Variants in FAM83C observed in about 807,000 individuals in gnomAD.
FAM83C encodes protein FAM83C.
FAM83C carries 23 observed loss-of-function variants against 27.1 expected under a neutral mutation model. That is an observed-to-expected ratio of 0.85 (90% CI 0.61 to 1.20). The LOEUF (loss-of-function observed/expected upper bound fraction) is 1.20. FAM83C is among the 50% of genes most tolerant of loss of function. FAM83C has a pLI of 0.00. For missense variants in FAM83C, 984 were observed against 1,001.3 expected, an observed-to-expected ratio of 0.98 and a Z score of 0.23; for synonymous variants, 426 against 423.1, an observed-to-expected ratio of 1.01 and a Z score of -0.09.
rs779930777 is a variant in FAM83C at position 35,287,419 on chromosome 20, G to A, written c.1360C>T (p.Gln454Ter). 1.9e-6 allele frequency: 3 copies of A among 1,614,044 alleles called. No individual in the cohort carries two copies. Among genetic ancestry groups the A allele is most frequent in the Non-Finnish European group, 2.5e-6 (3 of 1,180,020 alleles). ...PLLPRSRPLL[Q>*]FHRGAPALSR... is the part of the protein sequence containing the mutation. The stretch of plus-strand genomic sequence containing the variant: ...AGAGCTGGGGCACCCCGATGGAACT[G>A]GAGGAGGGGCCGGGAGCGAGGAAGC... Residue 454 changes from glutamine (Q) to a stop codon, truncating the protein, a stop_gained, in exon 4 of 4, where the codon CAG (glutamine) becomes TAG (stop). Transcript: ENST00000374408. LOFTEE classifies it low-confidence loss of function (END_TRUNC).
In FAM83C at chr20:35,286,910, T is replaced by G. The variant is rs747466018; in HGVS notation, c.1869A>C (p.Pro623=). Residue 623 remains proline, a synonymous_variant, in exon 4 of 4, where the codon CCA becomes CCC. Transcript: ENST00000374408. ...GCCCCAGGGTCTGCCGCCGCTCATC[T>G]GGTGCCCGTCTGGCAGGTCTGGCTG... ...NSSARPARRA[P]DERRQTLGHS... 2.5e-6 allele frequency: 4 copies of G among 1,614,180 alleles called. No homozygotes were observed. Among genetic ancestry groups the G allele is most frequent in the South Asian group, 1.1e-5 (1 of 91,088 alleles).
At position 35,287,302 on chromosome 20, in the gene FAM83C, C is replaced by T. The variant is rs1338188046; in HGVS notation, c.1477G>A (p.Glu493Lys). ...GGAGATGCCTTCTTCTCCTTCTCCT[C>T]CACTGTCTCCAGGGTTGTGCCAGGT... The part of the protein sequence containing the change: ...WVPGTTLETV[E>K]EKEKKASPSQ... The change falls in exon 4 of 4, where the codon GAG becomes AAG. Residue 493 changes from glutamate (E) to lysine (K), a missense_variant. Transcript: ENST00000374408. 2.5e-6 allele frequency: 4 copies of T among 1,613,470 alleles called. No individual in the cohort carries two copies. The highest frequency in any genetic ancestry group is 3.4e-6 in the Non-Finnish European group (4 of 1,180,036).
In FAM83C at chr20:35,292,336, G is replaced by A. The variant is rs754602801; in HGVS notation, c.-32C>T. Reference sequence around the variant, plus strand: ...CACGCGGCTGCCTCACCCGCCGGCAGGGCCCATGGCCCGCACGCTGGGCTG... The same window carrying A: ...CACGCGGCTGCCTCACCCGCCGGCAAGGCCCATGGCCCGCACGCTGGGCTG... On this transcript the variant is annotated 5_prime_UTR_variant, in exon 1 of 4. Transcript: ENST00000374408. 3.4e-6 allele frequency: 5 copies of A among 1,459,344 alleles called. No homozygotes were observed. In the South Asian group the frequency reaches 7.0e-5, roughly 21 times the overall value. The allele number at this position is 1,459,344 out of a possible 1,614,324, so 90.4% of individuals were successfully genotyped here. A position where few individuals can be genotyped will look rare whatever the true frequency, so the allele number is the denominator to read the frequency against.
At position 35,292,092 on chromosome 20, in the gene FAM83C, G is replaced by C; in HGVS notation, c.213C>G (p.Pro71=). The C allele has an allele frequency of 1.9e-6, 3 of 1,608,162 alleles. No individual in the cohort carries two copies. The African/African-American group carries it at 4.0e-5, about 21-fold the overall frequency. ...AGTCCACATCCAGGGCGCTCAGGAA[G>C]GGCAGCTCCCGCTCCTCGGAGATGA... ...LRVISEEREL[P]FLSALDVDYM... Residue 71 remains proline (P), a synonymous_variant, in exon 1 of 4, where the codon CCC becomes CCG. Transcript: ENST00000374408.
In FAM83C at chr20:35,286,300, C is replaced by T. The variant is rs1000150706; in HGVS notation, c.*235G>A. 35 of 521,748 alleles carry T rather than the reference C, an allele frequency of 6.7e-5. No homozygotes were observed. The Admixed American group carries it at 6.8e-4, about 10-fold the overall frequency. 32.3% of individuals were successfully genotyped at this position (521,748 alleles called of 1,614,324 possible). A position where few individuals can be genotyped will look rare whatever the true frequency, so the allele number is the denominator to read the frequency against. On this transcript the variant is annotated 3_prime_UTR_variant, in exon 4 of 4. Transcript: ENST00000374408. ...GAGTGTGACCCACCTGTCAGCTCTA[C>T]AGGCCCAGCACAGGGCTGGAAACAC...
At chr20:35,291,292 G>C (rs1372104929) in intron 1 of FAM83C, among the ~76,000 whole-genome samples, 1 of 152,210 alleles carries the variant, frequency 6.6e-6, no homozygotes, top group Admixed American at 6.5e-5. Context: ...AAGTCAGAGA[G>C]CCCCTGTCTC....
intron 1 of FAM83C, among the ~76,000 whole-genome samples, 193 bp downstream of exon 1, chr20:35,291,599 T>C (rs527239970): frequency 2.2e-4 from 34 of 152,306 alleles, no homozygotes; most frequent in Middle Eastern, 3.4e-3. Context: ...ATCCATACTA[T>C]TCCTGGGTAC....
In FAM83C at chr20:35,288,387, G is replaced by A. The variant is rs939617359; in HGVS notation, c.806+74C>T. On this transcript the variant is annotated intron_variant, in intron 3 of 3. Transcript: ENST00000374408. ...TCAGCCCGTGTCCGAAGGAAAGGAT[G>A]AGTGGAGGGAAGCTCAGAGCTGCCA... is the stretch of plus-strand genomic sequence containing the variant. 3 of 1,590,590 alleles carry A rather than the reference G, an allele frequency of 1.9e-6. No individual in the cohort carries two copies. The Admixed American group carries it at 5.1e-5, about 27-fold the overall frequency.
chr20:35,289,971 C>T (rs1001004096), intron 1 of FAM83C, among the ~76,000 whole-genome samples: 11 of 152,158 alleles, frequency 7.2e-5, no homozygotes, highest in African/African-American at 2.4e-4. Context: ...TCCTGGCACT[C>T]CCCCGACTAA....
At position 35,287,237 on chromosome 20, in the gene FAM83C, G is replaced by T; in HGVS notation, c.1542C>A (p.Phe514Leu). 4 of 1,612,966 alleles carry T rather than the reference G, an allele frequency of 2.5e-6. No individual in the cohort carries two copies. The highest frequency in any genetic ancestry group is 3.4e-6 in the Non-Finnish European group (4 of 1,180,006). ...SRGQLDLLVPFPRAREVGDPD... is the reference protein window; with the variant it reads ...SRGQLDLLVPLPRAREVGDPD... Reference sequence around the variant, plus strand: ...GGTCTCCCACTTCTCGGGCTCTGGGGAAGGGGACAAGGAGATCCAGCTGGC... The same window carrying T: ...GGTCTCCCACTTCTCGGGCTCTGGGTAAGGGGACAAGGAGATCCAGCTGGC... Residue 514 changes from phenylalanine to leucine, a missense_variant, in exon 4 of 4, where the codon TTC becomes TTA. Phe to Leu is a conservative substitution (Grantham distance 22). Coordinates refer to ENST00000374408, the MANE Select transcript of FAM83C (RefSeq NM_178468.6).
rs749339001 is a variant in FAM83C at position 35,292,059 on chromosome 20, G to A, written c.246C>T (p.Thr82=). 6.8e-6 allele frequency: 11 copies of A among 1,611,722 alleles called. No homozygotes were observed. In the Admixed American group the frequency reaches 1.0e-4, roughly 15 times the overall value. Residue 82 remains threonine, a synonymous_variant, in exon 1 of 4, where the codon ACC becomes ACT. Transcript: ENST00000374408. ...GCTCAGGGCCCCCGCGCACATGGCT[G>A]GTCATGTAGTCCACATCCAGGGCGC... ...FLSALDVDYM[T]SHVRGGPELS... is the part of the protein sequence containing the mutation.
intron 1 of FAM83C, among the ~76,000 whole-genome samples, chr20:35,291,170 A>C (rs1023030047): frequency 1.7e-4 from 26 of 152,162 alleles, no homozygotes; most frequent in Non-Finnish European, 2.8e-4. Context: ...AAAGAGGCCC[A>C]CACGCTGGCC....
chr20:35,285,862 A>T lies in FAM83C; in HGVS notation c.*673T>A, dbSNP rs1358611275. 1 of 156,734 alleles carries T rather than the reference A, an allele frequency of 6.4e-6. No homozygotes were observed. Among genetic ancestry groups the T allele is most frequent in the Non-Finnish European group, 1.4e-5 (1 of 70,980 alleles). The allele number at this position is 156,734 out of a possible 1,614,324, so 9.7% of individuals were successfully genotyped here. A position where few individuals can be genotyped will look rare whatever the true frequency, so the allele number is the denominator to read the frequency against. On this transcript the variant is annotated 3_prime_UTR_variant, in exon 4 of 4. Coordinates refer to ENST00000374408, the MANE Select transcript of FAM83C (RefSeq NM_178468.6). Reference sequence around the variant, plus strand: ...GACACTCAGCAAGATGATGACGACGACAATGATGATGATGATGATGATGAC... The same window carrying T: ...GACACTCAGCAAGATGATGACGACGTCAATGATGATGATGATGATGATGAC...
chr20:35,288,336 C>A, intron 3 of FAM83C, 125 bp downstream of exon 3: 1 of 1,516,016 alleles, frequency 6.6e-7, no homozygotes, highest in Admixed American at 1.9e-5. Context: ...CTGAGCCTGG[C>A]ATGATGCCTG....
chr20:35,291,235 C>G (rs1022931399), intron 1 of FAM83C, among the ~76,000 whole-genome samples: 1 of 152,164 alleles, frequency 6.6e-6, no homozygotes, highest in Non-Finnish European at 1.5e-5. Flanking sequence ...TAGGGGGCAA[C>G]TAGGGACCTG....
chr20:35,286,810 A>G lies in FAM83C; in HGVS notation c.1969T>C (p.Ser657Pro), dbSNP rs2146271761. The G allele has an allele frequency of 1.2e-6, 2 of 1,613,628 alleles. No homozygotes were observed. The highest frequency in any genetic ancestry group is 4.5e-5 in the East Asian group (2 of 44,820). Residue 657 changes from serine (S) to proline (P), a missense_variant, in exon 4 of 4, where the codon TCA becomes CCA. Ser to Pro is a moderately conservative substitution (Grantham distance 74, BLOSUM62 -1). Coordinates refer to ENST00000374408, the MANE Select transcript of FAM83C (RefSeq NM_178468.6). ...EGPGPNGLPI[S>P]SPARTAGAGS... ...GCTCCAGCCGTGCGAGCAGGGCTTG[A>G]TATCGGGAGACCATTGGGCCCAGGC...
rs1425464271 is a variant in FAM83C at position 35,287,354 on chromosome 20, C to A, written c.1425G>T (p.Glu475Asp). 2 of 1,613,878 alleles carry A rather than the reference C, an allele frequency of 1.2e-6. No individual in the cohort carries two copies. Among genetic ancestry groups the A allele is most frequent in the East Asian group, 4.5e-5 (2 of 44,890 alleles). The change falls in exon 4 of 4, where the codon GAG becomes GAT. Residue 475 changes from glutamate to aspartate, a missense_variant. Coordinates refer to ENST00000374408, the MANE Select transcript of FAM83C (RefSeq NM_178468.6). ...CCCATCGACCCCGCAGGGGGCTGGG[C>A]TCTTGGCTTCCTGGGAGCCCATTCT... ...FPENGLPGSQ[E>D]PSPLRGRWVP... is the part of the protein sequence containing the mutation.
In FAM83C at chr20:35,287,077, G is replaced by A; in HGVS notation, c.1702C>T (p.Pro568Ser). The A allele has an allele frequency of 1.2e-6, 2 of 1,605,022 alleles. No individual in the cohort carries two copies. The highest frequency in any genetic ancestry group is 1.7e-6 in the Non-Finnish European group (2 of 1,179,950). ...CCAGGTCTGAGGGAACCCAACTCAG[G>A]GGCACCCCCAGTACCCAGGGCTCGG... is the stretch of plus-strand genomic sequence containing the variant. ...LSRALGTGGA[P>S]ELGSLRPGDR... The change falls in exon 4 of 4, where the codon CCT becomes TCT. Residue 568 changes from proline to serine, a missense_variant. Physicochemically the swap from Pro to Ser is moderately conservative, Grantham distance 74 (BLOSUM62 -1). Coordinates refer to ENST00000374408, the MANE Select transcript of FAM83C (RefSeq NM_178468.6).
In FAM83C at chr20:35,286,823, A is replaced by G. The variant is rs2060827899; in HGVS notation, c.1956T>C (p.Asn652=). ...GAGCAGGGCTTGATATCGGGAGACCATTGGGCCCAGGCCCCTCACCACGGA... is the reference window on the plus strand; with the variant it reads ...GAGCAGGGCTTGATATCGGGAGACCGTTGGGCCCAGGCCCCTCACCACGGA... The part of the protein sequence containing the change: ...GPFRGEGPGP[N]GLPISSPART... The change falls in exon 4 of 4, where the codon AAT becomes AAC. Residue 652 remains asparagine, a synonymous_variant. Transcript: ENST00000374408. 2.5e-6 allele frequency: 4 copies of G among 1,613,256 alleles called. No individual in the cohort carries two copies. The highest frequency in any genetic ancestry group is 3.4e-6 in the Non-Finnish European group (4 of 1,179,904).
Sources: gnomAD v4.1 joint callset for allele counts (sites outside exome capture counted in the v4.1 genomes callset) on GRCh38, gnomAD v4.1.1 for gene constraint, MANE v1.5 for transcripts, NCBI Gene and HGNC (gene_info 2026-07-23, HGNC 2026-07-21) for gene names.